Variants in APOBEC1 observed in about 807,000 individuals in gnomAD.
The protein encoded by APOBEC1 is C->U-editing enzyme APOBEC-1.
A neutral mutation model predicts 26.3 loss-of-function variants in APOBEC1; 22 were observed. The observed-to-expected ratio is 0.84, with a 90% CI of 0.60 to 1.19. APOBEC1 has a LOEUF of 1.19. Among genes scored for constraint, APOBEC1 ranks in the 50% most tolerant of loss-of-function variants. The probability of loss-of-function intolerance (pLI) is 0.00; values close to 1 mark genes in which losing one functional copy is unlikely to be tolerated. For synonymous variants in APOBEC1, 77 were observed against 95.3 expected (o/e 0.81, Z 1.12); for missense variants, 253 against 289.0 (o/e 0.88, Z 0.90).
chr12:7,661,013 G>A (rs745324214), intron 1 of APOBEC1, among the ~76,000 whole-genome samples: 98 of 126,152 alleles, frequency 7.8e-4, no homozygotes, highest in Middle Eastern at 5.5e-3. Context: ...CTAACATGGT[G>A]AAATCCCGTC....
chr12:7,655,406 T>G (rs961902483), intron 1 of APOBEC1, among the ~76,000 whole-genome samples: 12 of 151,628 alleles, frequency 7.9e-5, no homozygotes, highest in Non-Finnish European at 1.8e-4. Flanking sequence ...TCCCAGCTAC[T>G]TGGGAGGCTG....
intron 1 of APOBEC1, among the ~76,000 whole-genome samples, chr12:7,656,443 G>A (rs1193444519): frequency 6.6e-6 from 1 of 152,072 alleles, no homozygotes; most frequent in Non-Finnish European, 1.5e-5. Flanking sequence ...TATGGACCCC[G>A]CACTCTAGAG....
rs1020301290 is a variant in APOBEC1 at position 7,653,913 on chromosome 12, T to C, written c.44+692A>G. ...GCTGTAACTCAAGGGAAACTCAGAATTGAACTGCAGACTCTTCTTTGCAAT... is the reference window on the plus strand; with the variant it reads ...GCTGTAACTCAAGGGAAACTCAGAACTGAACTGCAGACTCTTCTTTGCAAT... On this transcript the variant is annotated intron_variant, in intron 2 of 4. Transcript: ENST00000229304. Among the ~76,000 whole-genome samples the C allele has an allele frequency of 3.9e-5, 6 of 152,214 alleles. No homozygotes were observed. The East Asian group carries it at 9.6e-4, about 24-fold the overall frequency.
intron 1 of APOBEC1, among the ~76,000 whole-genome samples, chr12:7,657,927 A>T (rs1863738568): frequency 6.6e-6 from 1 of 152,188 alleles, no homozygotes. Flanking sequence ...AACAAAAAAA[A>T]TACCCAAAAC....
intron 1 of APOBEC1, among the ~76,000 whole-genome samples, chr12:7,657,013 C>T (rs1250943952): frequency 2.6e-5 from 4 of 151,354 alleles, no homozygotes; most frequent in Non-Finnish European, 5.9e-5. Context: ...TGCAAAAATA[C>T]CCACTTGGTG....
At chr12:7,665,117 C>T (rs1459428350) in intron 1 of APOBEC1, among the ~76,000 whole-genome samples, 1 of 152,120 alleles carries the variant, frequency 6.6e-6, no homozygotes, top group Admixed American at 6.6e-5. Flanking sequence ...CCTAGCTCAG[C>T]TGAAATTACT....
In APOBEC1 at chr12:7,653,096, A is replaced by T. The variant is rs768807626; in HGVS notation, c.45-261T>A. Among the ~76,000 whole-genome samples the T allele has an allele frequency of 3.5e-3, 535 of 151,432 alleles. 2 individuals are homozygous for T. The highest frequency in any genetic ancestry group is 0.012 in the African/African-American group (516 of 41,312). ...AGGCTCCCGCCACCATGTCCAGCTA[A>T]TTTTTTTGTATTTTTAGTAGAGACG... is the stretch of plus-strand genomic sequence containing the variant. On this transcript the variant is annotated intron_variant, in intron 2 of 4. Transcript: ENST00000229304.
At chr12:7,663,865 T>C (rs1347628353) in intron 1 of APOBEC1, among the ~76,000 whole-genome samples, 4 of 152,072 alleles carry the variant, frequency 2.6e-5, no homozygotes, top group African/African-American at 9.7e-5. Flanking sequence ...GAATTTTTTT[T>C]TTTTTCCCGA....
At chr12:7,653,880 G>A in intron 2 of APOBEC1, among the ~76,000 whole-genome samples, 1 of 152,154 alleles carries the variant, frequency 6.6e-6, no homozygotes, top group East Asian at 1.9e-4. Flanking sequence ...CACTCTCTAT[G>A]TCTGAAAGCT....
chr12:7,669,430 C>T (rs1863929534), upstream of APOBEC1, among the ~76,000 whole-genome samples: 1 of 152,074 alleles, frequency 6.6e-6, no homozygotes, highest in African/African-American at 2.4e-5. Flanking sequence ...CAATTTTAGG[C>T]TTTCATGAAT....
chr12:7,670,376 C>A (rs1227231684), upstream of APOBEC1, among the ~76,000 whole-genome samples: 4 of 142,120 alleles, frequency 2.8e-5, 1 homozygote, highest in Non-Finnish European at 6.1e-5. Context: ...TATCTGTATA[C>A]AAATGCTCCT....
At chr12:7,650,927 G>A (rs1863628223) in intron 4 of APOBEC1, 96 bp downstream of exon 4, 1 of 852,160 alleles carries the variant, frequency 1.2e-6, no homozygotes, top group African/African-American at 1.7e-5. Flanking sequence ...CAATATAAAT[G>A]TCAAAAAGAA....
intron 1 of APOBEC1, among the ~76,000 whole-genome samples, chr12:7,661,333 G>C (rs547165483): frequency 1.2e-3 from 187 of 151,920 alleles, no homozygotes; most frequent in Non-Finnish European, 2.4e-3. Flanking sequence ...CGGTAGCAGA[G>C]TCAATACAAG....
chr12:7,659,347 A>ATT, intron 1 of APOBEC1, among the ~76,000 whole-genome samples: 1 of 101,288 alleles, frequency 9.9e-6, no homozygotes. Context: ...ATATATATAT[A>ATT]TATGTTTATA....
At chr12:7,666,536 C>T (rs1863893898), upstream of APOBEC1, among the ~76,000 whole-genome samples, 1 of 152,012 alleles carries the variant, frequency 6.6e-6, no homozygotes, top group Non-Finnish European at 1.5e-5. Flanking sequence ...CTCAGGTGAT[C>T]CACCCGCCTC....
chr12:7,653,689 C>T lies in APOBEC1; in HGVS notation c.45-854G>A, dbSNP rs200033540. Among the ~76,000 whole-genome samples the T allele has an allele frequency of 3.9e-5, 6 of 152,122 alleles. No homozygotes were observed. The East Asian group carries it at 1.2e-3, about 29-fold the overall frequency. On this transcript the variant is annotated intron_variant, in intron 2 of 4. Transcript: ENST00000229304. ...TGTTCCAATCCTTATCTTTTCTATT[C>T]CTCAATGGACTCTAACCAGATTTTC...
intron 1 of APOBEC1, among the ~76,000 whole-genome samples, chr12:7,659,860 T>G (rs966909266): frequency 6.6e-6 from 1 of 151,824 alleles, no homozygotes; most frequent in Admixed American, 6.6e-5. Flanking sequence ...TCCCAGCTAC[T>G]CGGGAGGCTG....
At chr12:7,668,004 G>A (rs768989018), upstream of APOBEC1, among the ~76,000 whole-genome samples, 131 of 151,226 alleles carry the variant, frequency 8.7e-4, no homozygotes, top group African/African-American at 3.1e-3. Context: ...ATGAACTTAA[G>A]TGCCAAAAGG....
chr12:7,666,739 A>G (rs1863896543), upstream of APOBEC1, among the ~76,000 whole-genome samples: 3 of 152,060 alleles, frequency 2.0e-5, no homozygotes, highest in Admixed American at 6.6e-5. Context: ...CCTATTTCCA[A>G]CTTCCTCTCA....
Sources: allele counts gnomAD v4.1 joint callset (sites outside exome capture counted in the v4.1 genomes callset), GRCh38; gene constraint gnomAD v4.1.1; transcripts MANE v1.5; gene names NCBI Gene and HGNC (gene_info 2026-07-23, HGNC 2026-07-21).